Variants in SPRED2 observed in about 807,000 individuals in gnomAD.
The protein encoded by SPRED2 is sprouty related EVH1 domain containing 2.
A neutral mutation model predicts 43.0 loss-of-function variants in SPRED2; 47 were observed. The ratio of observed to expected loss-of-function variants is 1.09; its 90% CI spans 0.87 to 1.40. The LOEUF (loss-of-function observed/expected upper bound fraction) is 1.40. Among genes scored for constraint, SPRED2 ranks in the 40% most tolerant of loss-of-function variants. SPRED2 has a pLI of 0.00. For missense variants in SPRED2, 561 were observed against 586.4 expected, an observed-to-expected ratio of 0.96 and a Z score of 0.45; for synonymous variants, 225 against 225.7, an observed-to-expected ratio of 1.00 and a Z score of 0.03.
chr2:65,357,767 G>T (rs897010326), intron 1 of SPRED2, among the ~76,000 whole-genome samples: 1 of 152,142 alleles, frequency 6.6e-6, no homozygotes, highest in African/African-American at 2.4e-5. Flanking sequence ...CACCAATAGA[G>T]GTAATTCCTT....
chr2:65,403,175 T>C (rs950789571), intron 1 of SPRED2, among the ~76,000 whole-genome samples: 17 of 152,244 alleles, frequency 1.1e-4, no homozygotes, highest in Non-Finnish European at 2.1e-4. Context: ...ATTAACCATG[T>C]GCAAACCAAA....
rs532010817 is a variant in SPRED2 at position 65,371,547 on chromosome 2, T to C, written c.27-26651A>G. On this transcript the variant is annotated intron_variant, in intron 1 of 5. Transcript: ENST00000356388. ...AGGCGGCGGAGGCAGATGATTTCTA[T>C]TGTTACCTAGTAGAGCCGGGCCTTC... is the stretch of plus-strand genomic sequence containing the variant. Among the ~76,000 whole-genome samples the C allele has an allele frequency of 1.1e-4, 17 of 152,292 alleles. 1 individual carries two copies. The South Asian group carries it at 3.5e-3, about 32-fold the overall frequency.
intron 1 of SPRED2, among the ~76,000 whole-genome samples, chr2:65,382,085 G>C (rs958362834): frequency 6.6e-6 from 1 of 152,190 alleles, no homozygotes; most frequent in African/African-American, 2.4e-5. Context: ...AGTCTTTGCT[G>C]GGTGGTTTCT....
intron 4 of SPRED2, among the ~76,000 whole-genome samples, chr2:65,318,098 C>T (rs758859461): frequency 2.7e-4 from 41 of 152,040 alleles, no homozygotes; most frequent in Non-Finnish European, 5.7e-4. Flanking sequence ...GTGCTGTCCT[C>T]GGGATAGTGA....
At chr2:65,370,670 A>C (rs1205628533) in intron 1 of SPRED2, among the ~76,000 whole-genome samples, 2 of 152,232 alleles carry the variant, frequency 1.3e-5, no homozygotes, top group Non-Finnish European at 2.9e-5. Flanking sequence ...TTTGGTCCAC[A>C]GGATCTGTAG....
At chr2:65,372,764 C>T (rs1339659648) in intron 1 of SPRED2, among the ~76,000 whole-genome samples, 1 of 152,176 alleles carries the variant, frequency 6.6e-6, no homozygotes, top group Non-Finnish European at 1.5e-5. Context: ...TGACCTATTC[C>T]TTAAGGAGCA....
At chr2:65,352,716 C>G (rs1287566723) in intron 1 of SPRED2, among the ~76,000 whole-genome samples, 1 of 152,186 alleles carries the variant, frequency 6.6e-6, no homozygotes, top group Non-Finnish European at 1.5e-5. Context: ...CTCTGCCTCC[C>G]AGATTTGAGC....
chr2:65,382,013 C>T (rs944449900), intron 1 of SPRED2, among the ~76,000 whole-genome samples: 6 of 152,252 alleles, frequency 3.9e-5, no homozygotes, highest in African/African-American at 1.2e-4. Flanking sequence ...TATATGTCTG[C>T]GCTTGAGTAA....
intron 1 of SPRED2, among the ~76,000 whole-genome samples, chr2:65,414,071 T>C (rs1295670490): frequency 6.6e-6 from 1 of 152,236 alleles, no homozygotes; most frequent in Non-Finnish European, 1.5e-5. Flanking sequence ...ACCAACATGC[T>C]ACTAGTAAAA....
At chr2:65,321,919 C>A (rs530618679) in intron 4 of SPRED2, among the ~76,000 whole-genome samples, 2 of 151,980 alleles carry the variant, frequency 1.3e-5, no homozygotes, top group Non-Finnish European at 2.9e-5. Flanking sequence ...ATTACAAGCA[C>A]GTGCCAACAC....
chr2:65,427,212 C>T (rs1676576715), intron 1 of SPRED2, among the ~76,000 whole-genome samples: 1 of 152,038 alleles, frequency 6.6e-6, no homozygotes, highest in African/African-American at 2.4e-5. Context: ...GCTGGGACTA[C>T]AGGTGTGCGC....
At chr2:65,362,965 G>C (rs1558669497) in intron 1 of SPRED2, among the ~76,000 whole-genome samples, 1 of 148,704 alleles carries the variant, frequency 6.7e-6, no homozygotes. Flanking sequence ...AGGCCAGCCT[G>C]CTTCTGCAGC....
intron 1 of SPRED2, among the ~76,000 whole-genome samples, chr2:65,366,376 T>C (rs1196700786): frequency 6.6e-6 from 1 of 152,188 alleles, no homozygotes; most frequent in African/African-American, 2.4e-5. Context: ...GAAAGAGGCA[T>C]GAGAGGCTAA....
intron 1 of SPRED2, among the ~76,000 whole-genome samples, chr2:65,392,440 T>A (rs1675661648): frequency 6.6e-6 from 1 of 152,158 alleles, no homozygotes; most frequent in African/African-American, 2.4e-5. Flanking sequence ...CCTCCCAAAG[T>A]GCTAAGATTA....
At chr2:65,384,650 C>G (rs1218209204) in intron 1 of SPRED2, among the ~76,000 whole-genome samples, 1 of 152,176 alleles carries the variant, frequency 6.6e-6, no homozygotes, top group Non-Finnish European at 1.5e-5. Flanking sequence ...AGATGCTACC[C>G]CCACGGAGAA....
rs1347785236 is a variant in SPRED2 at position 65,311,406 on chromosome 2, G to T, written c.*2095C>A. 2 of 985,758 alleles carry T rather than the reference G, an allele frequency of 2.0e-6. No homozygotes were observed. Among genetic ancestry groups the T allele is most frequent in the South Asian group, 4.7e-5 (1 of 21,290 alleles). The allele number at this position is 985,758 out of a possible 1,614,324, so 61.1% of individuals were successfully genotyped here. A position where few individuals can be genotyped will look rare whatever the true frequency, so the allele number is the denominator to read the frequency against. On this transcript the variant is annotated 3_prime_UTR_variant, in exon 6 of 6. Coordinates refer to ENST00000356388, the MANE Select transcript of SPRED2 (RefSeq NM_181784.3). ...AAGGGGTGAAAGAAGAGAGAAACAG[G>T]TAACAACTAAATAGAGGTGACAAAC...
intron 4 of SPRED2, among the ~76,000 whole-genome samples, chr2:65,325,589 C>T (rs563558571): frequency 8.0e-4 from 122 of 152,196 alleles, no homozygotes; most frequent in African/African-American, 2.8e-3. Context: ...TCACCTGCTC[C>T]TAAGAACATT....
chr2:65,373,008 G>A (rs901096285), intron 1 of SPRED2, among the ~76,000 whole-genome samples: 1 of 152,222 alleles, frequency 6.6e-6, no homozygotes, highest in Non-Finnish European at 1.5e-5. Context: ...TCACATGGAA[G>A]CTATCTGTTT....
chr2:65,314,192 T>C, intron 5 of SPRED2, 23 bp from the exon 6 acceptor site: 2 of 1,547,968 alleles, frequency 1.3e-6, no homozygotes, highest in Non-Finnish European at 1.7e-6. Flanking sequence ...AGAGGAGACA[T>C]TATTTTACAG....
Sources: allele counts gnomAD v4.1 joint callset (sites outside exome capture counted in the v4.1 genomes callset), GRCh38; gene constraint gnomAD v4.1.1; transcripts MANE v1.5; gene names NCBI Gene and HGNC (gene_info 2026-07-23, HGNC 2026-07-21).